Variants in DPP10 observed in about 807,000 individuals in gnomAD.
The protein encoded by DPP10 is inactive dipeptidyl peptidase 10.
Under a neutral mutation model 120.9 loss-of-function variants are expected in DPP10, and 33 were observed. The ratio of observed to expected loss-of-function variants is 0.27; its 90% confidence interval spans 0.21 to 0.37. The LOEUF (loss-of-function observed/expected upper bound fraction) is 0.37. Among genes scored for constraint, DPP10 ranks in the 10% least tolerant of loss-of-function variants. The pLI is 1.00. For synonymous variants in DPP10, 337 were observed against 326.1 expected, an observed-to-expected ratio of 1.03 and a Z score of -0.36; for missense variants, 816 against 942.8, an observed-to-expected ratio of 0.87 and a Z score of 1.76.
At chr2:115,438,576 A>G (rs2071720295) in intron 3 of DPP10, among the ~76,000 whole-genome samples, 1 of 152,228 alleles carries the variant, frequency 6.6e-6, no homozygotes, top group African/African-American at 2.4e-5. Flanking sequence ...AGAGGAAGGA[A>G]ATTCTGACAC....
At chr2:115,684,387 A>G (rs1463018788) in intron 5 of DPP10, among the ~76,000 whole-genome samples, 1 of 151,618 alleles carries the variant, frequency 6.6e-6, no homozygotes, top group East Asian at 1.9e-4. Context: ...AAGGTATCTC[A>G]TTATCCTAGA....
At chr2:114,530,555 G>A (rs565685798) in intron 1 of DPP10, among the ~76,000 whole-genome samples, 18 of 152,182 alleles carry the variant, frequency 1.2e-4, no homozygotes, top group Non-Finnish European at 1.6e-4. Context: ...TCAGGTCAAC[G>A]ATAGGTCTCA....
At chr2:115,420,146 A>G (rs955614800) in intron 3 of DPP10, among the ~76,000 whole-genome samples, 53 of 152,310 alleles carry the variant, frequency 3.5e-4, no homozygotes, top group African/African-American at 1.2e-3. Flanking sequence ...CCTGCTGATC[A>G]TGCATTCTCC....
intron 12 of DPP10, among the ~76,000 whole-genome samples, chr2:115,767,061 T>G (rs1680849619): frequency 6.6e-6 from 1 of 152,106 alleles, no homozygotes. Context: ...GGATGTCAGA[T>G]AGAGTTGGAT....
At chr2:114,525,696 T>C (rs1257284678) in intron 1 of DPP10, among the ~76,000 whole-genome samples, 1 of 152,224 alleles carries the variant, frequency 6.6e-6, no homozygotes, top group African/African-American at 2.4e-5. Context: ...ATGTTTAACC[T>C]TTTGTTTCTC....
chr2:115,259,688 C>T (rs1394761599), intron 1 of DPP10, among the ~76,000 whole-genome samples: 2 of 151,910 alleles, frequency 1.3e-5, no homozygotes, highest in African/African-American at 4.8e-5. Context: ...ATATTGCTGC[C>T]CTATGTACCT....
At chr2:115,196,415 A>G (rs2055272750) in intron 1 of DPP10, among the ~76,000 whole-genome samples, 2 of 152,196 alleles carry the variant, frequency 1.3e-5, no homozygotes, top group South Asian at 4.1e-4. Flanking sequence ...TTTATGAAAT[A>G]TTTCATATTT....
intron 1 of DPP10, among the ~76,000 whole-genome samples, chr2:115,087,131 C>T (rs1418708829): frequency 6.6e-6 from 1 of 152,170 alleles, no homozygotes; most frequent in East Asian, 1.9e-4. Context: ...TTCACTCTCT[C>T]ATGTTACCAT....
intron 1 of DPP10, among the ~76,000 whole-genome samples, chr2:114,562,002 A>AT (rs1260302786): frequency 6.6e-6 from 1 of 152,034 alleles, no homozygotes; most frequent in Non-Finnish European, 1.5e-5. Flanking sequence ...TAACGGGTTA[A>AT]TTTTGAGGAG....
At chr2:115,326,534 G>A (rs1048051074) in intron 2 of DPP10, among the ~76,000 whole-genome samples, 6 of 151,904 alleles carry the variant, frequency 3.9e-5, no homozygotes, top group Admixed American at 6.6e-5. Context: ...CCTCACGAAT[G>A]TTCTTCAGGA....
chr2:114,477,324 C>G (rs115535723), intron 1 of DPP10, among the ~76,000 whole-genome samples: 1 of 151,928 alleles, frequency 6.6e-6, no homozygotes, highest in Non-Finnish European at 1.5e-5. Context: ...GAGATCCATA[C>G]GTACTTTTGG....
intron 5 of DPP10, among the ~76,000 whole-genome samples, chr2:115,671,627 A>G (rs1360650807): frequency 6.6e-6 from 1 of 152,114 alleles, no homozygotes; most frequent in African/African-American, 2.4e-5. Context: ...GACTGCTAGA[A>G]AATTTATAAC....
intron 4 of DPP10, among the ~76,000 whole-genome samples, chr2:115,514,224 C>T (rs2077381673): frequency 6.6e-6 from 1 of 151,832 alleles, no homozygotes; most frequent in East Asian, 1.9e-4. Flanking sequence ...TGACTATGAT[C>T]TATCTATGTG....
intron 1 of DPP10, among the ~76,000 whole-genome samples, chr2:115,290,925 T>C (rs898585752): frequency 3.3e-5 from 5 of 152,156 alleles, no homozygotes; most frequent in Non-Finnish European, 7.4e-5. Context: ...TCCCTGCTAA[T>C]CTACTCATCT....
intron 1 of DPP10, among the ~76,000 whole-genome samples, chr2:114,590,991 T>C (rs143800590): frequency 1.1e-3 from 160 of 152,176 alleles, no homozygotes; most frequent in Non-Finnish European, 1.9e-3. Context: ...GAATGAAGCA[T>C]GAGGAAAAAA....
At position 114,928,619 on chromosome 2, in the gene DPP10, C is replaced by CTCTACTATTCTGGGG. The variant is rs1299661702; in HGVS notation, c.61-380616_61-380602dup. 5.3e-5 allele frequency among the ~76,000 whole-genome samples: 8 copies of CTCTACTATTCTGGGG among 152,142 alleles called. No homozygotes were observed. The South Asian group carries it at 1.5e-3, about 28-fold the overall frequency. On this transcript the variant is annotated intron_variant, in intron 1 of 25. Coordinates refer to ENST00000410059, the MANE Select transcript of DPP10 (RefSeq NM_020868.6). ...GCCTGAGGGTACACGGTGCCAGTAGCTCTACTATTCTGGGGTCTGGAAGGT... is the reference window on the plus strand; with the variant it reads ...GCCTGAGGGTACACGGTGCCAGTAGCTCTACTATTCTGGGGTCTACTATTCTGGGGTCTGGAAGGT...
intron 1 of DPP10, among the ~76,000 whole-genome samples, chr2:114,513,521 C>CAAAAAAAAAAAAAAAAAAAAAAAAAAAA (rs10712243): frequency 1.3e-5 from 1 of 74,982 alleles, no homozygotes; most frequent in Non-Finnish European, 2.5e-5. Context: ...AACTCTACCT[C>CAAAAAAAAAAAAAAAAAAAAAAAAAAAA]AAAAAAAAAA....
chr2:114,781,863 C>T (rs1280817571), intron 1 of DPP10, among the ~76,000 whole-genome samples: 1 of 152,142 alleles, frequency 6.6e-6, no homozygotes, highest in Admixed American at 6.6e-5. Flanking sequence ...GGGCCATCTG[C>T]ATTTGTCTCT....
chr2:115,352,880 C>T (rs1465890370), intron 3 of DPP10, among the ~76,000 whole-genome samples: 1 of 152,032 alleles, frequency 6.6e-6, no homozygotes, highest in Non-Finnish European at 1.5e-5. Flanking sequence ...TACTATGATG[C>T]AGGGTACACA....
Sources: allele counts gnomAD v4.1 joint callset (sites outside exome capture counted in the v4.1 genomes callset), GRCh38; gene constraint gnomAD v4.1.1; transcripts MANE v1.5; gene names NCBI Gene and HGNC (gene_info 2026-07-23, HGNC 2026-07-21).